MPDZ: variants seen among roughly 807,000 people sequenced by gnomAD.
MPDZ encodes multiple PDZ domain protein.
A neutral mutation model predicts 239.1 loss-of-function variants in MPDZ; 234 were observed. The observed-to-expected ratio is 0.98, with a 90% confidence interval of 0.88 to 1.09. The LOEUF is 1.09. MPDZ is among the 50% of genes least tolerant of loss of function. The pLI, the probability that MPDZ is intolerant of heterozygous loss-of-function variation, is 0.00. For missense variants in MPDZ, 3,175 were observed against 2,510.0 expected, an observed-to-expected ratio of 1.26 and a Z score of -5.66; for synonymous variants, 1,048 against 881.3, an observed-to-expected ratio of 1.19 and a Z score of -3.35.
intron 1 of MPDZ, among the ~76,000 whole-genome samples, chr9:13,261,859 T>C (rs1159419581): frequency 1.6e-5 from 1 of 62,320 alleles, no homozygotes; most frequent in East Asian, 4.7e-4. Context: ...AAGTGAGACC[T>C]GTCTCTACAA....
intron 41 of MPDZ, 77 bp from the exon 42 acceptor site, chr9:13,113,131 G>T: frequency 7.6e-7 from 1 of 1,312,602 alleles, no homozygotes; most frequent in South Asian, 1.4e-5. Context: ...ATCTAAAGCT[G>T]GATGGGACTA....
intron 21 of MPDZ, among the ~76,000 whole-genome samples, chr9:13,174,735 G>T (rs535629656): frequency 1.3e-5 from 2 of 152,252 alleles, no homozygotes; most frequent in East Asian, 1.9e-4. Flanking sequence ...GCAAAGTTCT[G>T]CAGTTCAAGC....
intron 23 of MPDZ, among the ~76,000 whole-genome samples, chr9:13,160,299 G>A (rs148138728): frequency 3.2e-4 from 48 of 152,138 alleles, no homozygotes; most frequent in African/African-American, 1.1e-3. Context: ...CTTGCAGATT[G>A]TTCCACCAAA....
chr9:13,232,948 T>C (rs1038396157), intron 3 of MPDZ, among the ~76,000 whole-genome samples: 5 of 150,028 alleles, frequency 3.3e-5, no homozygotes, highest in Admixed American at 2.7e-4. Flanking sequence ...TCAGCATCAT[T>C]ACTCATCAGG....
At chr9:13,272,700 TA>T (rs539786957) in intron 1 of MPDZ, among the ~76,000 whole-genome samples, 110 of 78,580 alleles carry the variant, frequency 1.4e-3, no homozygotes, top group South Asian at 5.4e-3. Context: ...CTGTTCCTAC[TA>T]AAAAAAAAAA....
At chr9:13,119,351 C>T (rs1485806866) in intron 39 of MPDZ, 151 bp downstream of exon 39, 5 of 916,010 alleles carry the variant, frequency 5.5e-6, no homozygotes, top group African/African-American at 1.7e-5. Context: ...TCCCAAAATG[C>T]TGGGATTATA....
chr9:13,228,749 T>C (rs1014921237), intron 3 of MPDZ, among the ~76,000 whole-genome samples: 1 of 152,138 alleles, frequency 6.6e-6, no homozygotes, highest in Non-Finnish European at 1.5e-5. Flanking sequence ...AACTAACAAT[T>C]TCACCAATAA....
rs56281339 is a variant in MPDZ at position 13,215,753 on chromosome 9, G to GTTTTTTTTTTTTTTT, written c.1290+1006_1290+1020dup. ...AGATAAACAGGTTTCTCTATTGCAG[G>GTTTTTTTTTTTTTTT]TTTTTTTTTTTTTTTTTTTTTGTCT... On this transcript the variant is annotated intron_variant, in intron 10 of 46. Transcript: ENST00000319217. Among the ~76,000 whole-genome samples the GTTTTTTTTTTTTTTT allele has an allele frequency of 2.2e-3, 197 of 89,026 alleles. 1 individual carries two copies. Among genetic ancestry groups the GTTTTTTTTTTTTTTT allele is most frequent in the Admixed American group, 2.9e-3 (16 of 5,560 alleles). 58.4% of individuals were successfully genotyped at this position (89,026 alleles called of 152,430 possible). A position where few individuals can be genotyped will look rare whatever the true frequency, so the allele number is the denominator to read the frequency against.
chr9:13,136,759 T>C lies in MPDZ; in HGVS notation c.4245A>G (p.Ser1415=), dbSNP rs985460473. The change falls in exon 30 of 47, where the codon TCA becomes TCG. Residue 1415 remains serine (S), a synonymous_variant. Coordinates refer to ENST00000319217, the MANE Select transcript of MPDZ (RefSeq NM_001378778.1). The part of the protein sequence containing the change: ...ILYGRSHQNA[S]SIIKCAPSKV... ...TAGAAGGGGCACATTTAATGATTGA[T>C]GAGGCATTCTGATGACTTCTTCCAT... is the stretch of plus-strand genomic sequence containing the variant. 1 of 1,603,606 alleles carries C rather than the reference T, an allele frequency of 6.2e-7. No individual in the cohort carries two copies. Among genetic ancestry groups the C allele is most frequent in the South Asian group, 1.1e-5 (1 of 88,868 alleles).
At chr9:13,275,991 T>G (rs1026750044) in intron 1 of MPDZ, among the ~76,000 whole-genome samples, 13 of 152,178 alleles carry the variant, frequency 8.5e-5, no homozygotes, top group African/African-American at 3.1e-4. Flanking sequence ...TCTTATTTAC[T>G]AACCTCAATG....
intron 19 of MPDZ, among the ~76,000 whole-genome samples, chr9:13,183,006 T>C (rs1462470828): frequency 6.6e-6 from 1 of 152,166 alleles, no homozygotes; most frequent in Non-Finnish European, 1.5e-5. Flanking sequence ...TAGTAAATGT[T>C]AAATTAATGC....
At chr9:13,261,006 C>G (rs1343773202) in intron 1 of MPDZ, among the ~76,000 whole-genome samples, 1 of 152,170 alleles carries the variant, frequency 6.6e-6, no homozygotes, top group Non-Finnish European at 1.5e-5. Context: ...GGGCTGGGCT[C>G]CCTAATTCAA....
Position 13,219,771 on chromosome 9 carries a change from G to A in MPDZ, c.877-3C>T. The A allele has an allele frequency of 1.9e-6, 3 of 1,611,582 alleles. No individual in the cohort carries two copies. The highest frequency in any genetic ancestry group is 2.5e-6 in the Non-Finnish European group (3 of 1,178,456). ...TCTCCACTGCATAAACGCCCATGCT[G>A]AGTAAAACAATATTGAATAATTAGA... On this transcript the variant is annotated splice_region_variant and splice_polypyrimidine_tract_variant and intron_variant, in intron 7 of 46. Transcript: ENST00000319217.
intron 21 of MPDZ, among the ~76,000 whole-genome samples, chr9:13,171,704 C>T (rs899959005): frequency 6.6e-6 from 1 of 152,020 alleles, no homozygotes; most frequent in Non-Finnish European, 1.5e-5. Context: ...CTAAATTTAA[C>T]AAAATTCAAA....
intron 3 of MPDZ, among the ~76,000 whole-genome samples, chr9:13,236,757 T>A (rs1339795480): frequency 3.3e-5 from 5 of 152,080 alleles, no homozygotes; most frequent in Non-Finnish European, 5.9e-5. Flanking sequence ...AAAACATAGT[T>A]TTGTTTTAAA....
intron 1 of MPDZ, among the ~76,000 whole-genome samples, chr9:13,276,969 G>T (rs952524886): frequency 2.0e-5 from 3 of 152,124 alleles, no homozygotes; most frequent in African/African-American, 7.2e-5. Context: ...AAAACTAAAA[G>T]TGGCCAACTA....
chr9:13,241,019 A>G (rs1400804875), intron 3 of MPDZ, among the ~76,000 whole-genome samples: 1 of 152,184 alleles, frequency 6.6e-6, no homozygotes, highest in Non-Finnish European at 1.5e-5. Flanking sequence ...ATTTTAATCC[A>G]GCACTGTATA....
intron 34 of MPDZ, among the ~76,000 whole-genome samples, chr9:13,125,842 C>T (rs757098071): frequency 6.6e-6 from 1 of 151,900 alleles, no homozygotes; most frequent in Non-Finnish European, 1.5e-5. Context: ...TCAAGGTAAA[C>T]GAAAAGTTAA....
intron 39 of MPDZ, among the ~76,000 whole-genome samples, chr9:13,116,086 G>A (rs977260167): frequency 6.6e-6 from 1 of 151,706 alleles, no homozygotes; most frequent in East Asian, 1.9e-4. Context: ...TGCCTGAATA[G>A]ACTTATGATA....
Sources: gnomAD v4.1 joint callset for allele counts (sites outside exome capture counted in the v4.1 genomes callset) on GRCh38, gnomAD v4.1.1 for gene constraint, MANE v1.5 for transcripts, NCBI Gene and HGNC (gene_info 2026-07-23, HGNC 2026-07-21) for gene names.